The following CECR2 variants were observed in gnomAD, a reference collection of about 807,000 sequenced individuals.
The protein encoded by CECR2 is CECR2 histone acetyl-lysine reader, also known as chromatin remodeling regulator CECR2.
Under a neutral mutation model 154.5 loss-of-function variants are expected in CECR2, and 30 were observed. The ratio of observed to expected loss-of-function variants is 0.19; its 90% CI spans 0.15 to 0.26. The LOEUF (loss-of-function observed/expected upper bound fraction) is 0.26, where lower values mean the gene tolerates loss of function less well. Among genes scored for constraint, CECR2 ranks in the 10% least tolerant of loss-of-function variants. The probability of loss-of-function intolerance (pLI) is 1.00; values close to 1 mark genes in which losing one functional copy is unlikely to be tolerated. For missense variants in CECR2, 1,743 were observed against 1,829.3 expected, an observed-to-expected ratio of 0.95 and a Z score of 0.86; for synonymous variants, 725 against 683.7, an observed-to-expected ratio of 1.06 and a Z score of -0.94.
chr22:17,396,478 C>T (rs1407129959), intron 1 of CECR2, among the ~76,000 whole-genome samples: 3 of 152,086 alleles, frequency 2.0e-5, no homozygotes, highest in African/African-American at 7.2e-5. Flanking sequence ...ACCCGGGAGG[C>T]GGAGGTTGCG....
chr22:17,361,816 C>T (rs554793160), intron 1 of CECR2, among the ~76,000 whole-genome samples: 326 of 151,590 alleles, frequency 2.2e-3, no homozygotes, highest in Middle Eastern at 3.5e-3. Context: ...TAATGTACTA[C>T]ACATCTATTC....
At chr22:17,472,350 T>A (rs887174282) in intron 1 of CECR2, among the ~76,000 whole-genome samples, 1 of 152,214 alleles carries the variant, frequency 6.6e-6, no homozygotes, top group East Asian at 1.9e-4. Flanking sequence ...GTGCTTTTTT[T>A]CTTTCTGTAT....
chr22:17,543,736 T>G (rs986127358), intron 16 of CECR2, among the ~76,000 whole-genome samples: 21 of 152,142 alleles, frequency 1.4e-4, no homozygotes, highest in Admixed American at 1.4e-3. Context: ...ATTTTTATAT[T>G]TTTAGTACAG....
At chr22:17,515,729 G>A (rs1345823673) in intron 8 of CECR2, among the ~76,000 whole-genome samples, 2 of 150,468 alleles carry the variant, frequency 1.3e-5, no homozygotes, top group East Asian at 3.9e-4. Context: ...AGGCTGGAGT[G>A]CAGTGGCACA....
intron 1 of CECR2, among the ~76,000 whole-genome samples, chr22:17,370,938 A>G (rs142540463): frequency 6.6e-6 from 1 of 152,312 alleles, no homozygotes; most frequent in African/African-American, 2.4e-5. Context: ...GTGAATGGCA[A>G]CTGCGTTGGT....
At chr22:17,413,194 G>A (rs1303859069) in intron 1 of CECR2, among the ~76,000 whole-genome samples, 3 of 152,196 alleles carry the variant, frequency 2.0e-5, no homozygotes, top group Non-Finnish European at 4.4e-5. Context: ...TATCAGAAAA[G>A]TATTCTTGTG....
At position 17,542,937 on chromosome 22, in the gene CECR2, C is replaced by T; in HGVS notation, c.2794C>T (p.Pro932Ser). ...GTCAGTCACTGTGTCAGCCCCCAAG[C>T]CTGCCCTGGGCAACCCTGGGAGGGC... Reference protein sequence around the residue: ...PMSVTVSAPKPALGNPGRAPE... With the variant: ...PMSVTVSAPKSALGNPGRAPE... The change falls in exon 16 of 19, where the codon CCT becomes TCT. Residue 932 changes from proline (P) to serine (S), a missense_variant. Around this residue, in one of 4 missense-constraint regions of CECR2, gnomAD observed 1,250 missense variants for 1,192.1 expected, o/e 1.05. Coordinates refer to ENST00000262608, the MANE Select transcript of CECR2 (RefSeq NM_001290047.2). 2 of 1,613,898 alleles carry T rather than the reference C, an allele frequency of 1.2e-6. No homozygotes were observed. The highest frequency in any genetic ancestry group is 1.7e-6 in the Non-Finnish European group (2 of 1,179,784).
intron 3 of CECR2, among the ~76,000 whole-genome samples, chr22:17,499,146 C>T (rs903207364): frequency 1.1e-4 from 17 of 152,178 alleles, no homozygotes; most frequent in East Asian, 5.8e-4. Flanking sequence ...CGCGCCACCA[C>T]GCCCAGCTGA....
At chr22:17,481,049 T>TTA (rs1555915490) in intron 2 of CECR2, among the ~76,000 whole-genome samples, 3 of 92,072 alleles carry the variant, frequency 3.3e-5, no homozygotes, top group South Asian at 3.4e-4. Context: ...CTTTTTTTTT[T>TTA]AAAAAAAAAA....
At chr22:17,397,392 A>G (rs915840836) in intron 1 of CECR2, among the ~76,000 whole-genome samples, 18 of 152,174 alleles carry the variant, frequency 1.2e-4, no homozygotes, top group African/African-American at 4.3e-4. Context: ...TTCGCCTCCC[A>G]AAGGGCTGGG....
At chr22:17,415,796 T>C (rs1168800810) in intron 1 of CECR2, among the ~76,000 whole-genome samples, 2 of 152,238 alleles carry the variant, frequency 1.3e-5, no homozygotes. Context: ...GTTTATCTGT[T>C]CTTTACTTTC....
rs778649437 is a variant in CECR2, at chr22:17,537,197, T to C, written c.1203T>C (p.Asn401=). The C allele has an allele frequency of 9.9e-6, 16 of 1,613,918 alleles. No individual in the cohort carries two copies. The East Asian group carries it at 3.3e-4, about 34-fold the overall frequency. ...CAGAACTTTCCCATCTGGACCCCAA[T>C]TCCCCCATGAGAGAGGAAAAAAAGA... is the stretch of plus-strand genomic sequence containing the variant. ...LPPELSHLDP[N]SPMREEKKTK... The change falls in exon 10 of 19, where the codon AAT becomes AAC. Residue 401 remains asparagine (N), a synonymous_variant. Transcript: ENST00000262608.
intron 17 of CECR2, among the ~76,000 whole-genome samples, chr22:17,551,600 C>G (rs1438128429): frequency 6.6e-6 from 1 of 152,066 alleles, no homozygotes; most frequent in Non-Finnish European, 1.5e-5. Context: ...TGCTTAAGCT[C>G]AGGAGTTCGA....
intron 1 of CECR2, among the ~76,000 whole-genome samples, chr22:17,437,338 GT>G (rs1255626313): frequency 6.6e-6 from 1 of 152,052 alleles, no homozygotes; most frequent in African/African-American, 2.4e-5. Context: ...GACTCAGTTT[GT>G]TTCGTCCCTT....
At chr22:17,536,292 G>T (rs1051896017) in intron 9 of CECR2, among the ~76,000 whole-genome samples, 1 of 152,104 alleles carries the variant, frequency 6.6e-6, no homozygotes, top group Non-Finnish European at 1.5e-5. Flanking sequence ...GCTCTTGCTG[G>T]CTTCTCCTCC....
At chr22:17,525,318 AAGG>A (rs1008736389) in intron 9 of CECR2, among the ~76,000 whole-genome samples, 1 of 143,304 alleles carries the variant, frequency 7.0e-6, no homozygotes, top group African/African-American at 2.6e-5. Context: ...AAAAAAAAGA[AAGG>A]AAGGGAGGGA....
chr22:17,471,021 A>T (rs1203906778), intron 1 of CECR2, among the ~76,000 whole-genome samples: 1 of 152,222 alleles, frequency 6.6e-6, no homozygotes, highest in East Asian at 1.9e-4. Context: ...GCAGCTCTGA[A>T]CATAAATTCT....
At chr22:17,419,011 G>C (rs946997900) in intron 1 of CECR2, 8 of 172,188 alleles carry the variant, frequency 4.6e-5, no homozygotes, top group Non-Finnish European at 5.0e-5. Context: ...GACAAAGCCC[G>C]GGGCCCTGGC....
chr22:17,430,002 A>AC lies in CECR2; in HGVS notation c.127-47580dup, dbSNP rs146047811. 1.2e-4 allele frequency among the ~76,000 whole-genome samples: 19 copies of AC among 152,088 alleles called. No homozygotes were observed. The East Asian group carries it at 2.9e-3, about 23-fold the overall frequency. ...ATGCATAGAGGTTAAACCAGTTTAG[A>AC]CCCCCCACCAACAGTGTATGAGAGT... is the stretch of plus-strand genomic sequence containing the variant. On this transcript the variant is annotated intron_variant, in intron 1 of 18. Coordinates refer to ENST00000262608, the MANE Select transcript of CECR2 (RefSeq NM_001290047.2).
Sources: gnomAD v4.1 joint callset for allele counts (sites outside exome capture counted in the v4.1 genomes callset) on GRCh38, gnomAD v4.1.1 for gene constraint, gnomAD v4.1.1 regional missense constraint, MANE v1.5 for transcripts, NCBI Gene and HGNC (gene_info 2026-07-23, HGNC 2026-07-21) for gene names.